Variants in CCSAP observed in about 807,000 individuals in gnomAD.
The protein encoded by CCSAP is centriole, cilia and spindle-associated protein.
A neutral mutation model predicts 25.9 loss-of-function variants in CCSAP; 17 were observed. The ratio of observed to expected loss-of-function variants is 0.66; its 90% CI spans 0.45 to 0.99. The LOEUF (loss-of-function observed/expected upper bound fraction) is 0.99. CCSAP is among the 50% of genes least tolerant of loss of function. The pLI is 0.00. For missense variants in CCSAP, 339 were observed against 367.8 expected (o/e 0.92, Z 0.64); for synonymous variants, 169 against 157.1 (o/e 1.08, Z -0.57).
At position 229,325,343 on chromosome 1, in the gene CCSAP, C is replaced by G. The variant is rs1375491014; in HGVS notation, c.705G>C (p.Arg235Ser). 6.2e-6 allele frequency: 10 copies of G among 1,614,212 alleles called. No homozygotes were observed. The highest frequency in any genetic ancestry group is 8.5e-6 in the Non-Finnish European group (10 of 1,180,036). Reference protein sequence around the residue: ...QVEKRKLVAQRQRAHSVDVEK... With the variant: ...QVEKRKLVAQSQRAHSVDVEK... ...CCACATCCACAGAGTGAGCTCGCTGCCTTTGAGCAACCAGTTTCCTTTTTT... is the reference window on the plus strand; with the variant it reads ...CCACATCCACAGAGTGAGCTCGCTGGCTTTGAGCAACCAGTTTCCTTTTTT... Residue 235 changes from arginine to serine, a missense_variant, in exon 4 of 4, where the codon AGG becomes AGC. Physicochemically the swap from Arg to Ser is moderately radical, Grantham distance 110. Transcript: ENST00000284617.
chr1:229,325,617 G>A (rs1350611125), intron 3 of CCSAP, among the ~76,000 whole-genome samples: 1 of 152,070 alleles, frequency 6.6e-6, no homozygotes, highest in Non-Finnish European at 1.5e-5. Context: ...TTCATATCAG[G>A]GATAATGAAA....
intron 2 of CCSAP, among the ~76,000 whole-genome samples, chr1:229,330,920 G>A (rs1299567920): frequency 6.6e-6 from 1 of 152,048 alleles, no homozygotes. Context: ...ACTTTGCCTT[G>A]GCAGCTCGGT....
intron 2 of CCSAP, among the ~76,000 whole-genome samples, chr1:229,333,431 GAAA>G (rs368401348): frequency 7.1e-5 from 5 of 70,486 alleles, no homozygotes; most frequent in Admixed American, 1.9e-4. Flanking sequence ...AGACTCCATC[GAAA>G]AAAAAAAAAA....
chr1:229,331,787 T>TTTATTATTA (rs139107975), intron 2 of CCSAP, among the ~76,000 whole-genome samples: 13,503 of 140,484 alleles, frequency 0.096, 768 homozygotes, highest in East Asian at 0.23. Context: ...CTAATATCCT[T>TTTATTATTA]TTATTATTAT....
At chr1:229,337,678 A>AAAAAAAAAATATATATATATATATAT in intron 2 of CCSAP, among the ~76,000 whole-genome samples, 1 of 65,548 alleles carries the variant, frequency 1.5e-5, no homozygotes, top group African/African-American at 6.0e-5. Flanking sequence ...CTCAAAAAAA[A>AAAAAAAAAATATATATATATATATAT]ATATATATAT....
chr1:229,338,558 C>G (rs1283129351), intron 2 of CCSAP, among the ~76,000 whole-genome samples: 1 of 151,784 alleles, frequency 6.6e-6, no homozygotes, highest in Non-Finnish European at 1.5e-5. Flanking sequence ...CACACACACA[C>G]ACACACACAC....
chr1:229,341,193 C>CAAAAAAAAAAAAAAAAAAAAAAAAAAAA (rs71561730), intron 2 of CCSAP, among the ~76,000 whole-genome samples: 7 of 91,112 alleles, frequency 7.7e-5, no homozygotes, highest in African/African-American at 2.9e-4. Context: ...GACTCCGTCT[C>CAAAAAAAAAAAAAAAAAAAAAAAAAAAA]AAAAAAAAAA....
chr1:229,339,098 A>G (rs1256350036), intron 2 of CCSAP, among the ~76,000 whole-genome samples: 1 of 146,226 alleles, frequency 6.8e-6, no homozygotes, highest in East Asian at 1.9e-4. Flanking sequence ...GAAATGGGAA[A>G]AAAAAAAAAA....
chr1:229,337,704 TAC>T (rs1558252378), intron 2 of CCSAP, among the ~76,000 whole-genome samples: 2 of 57,404 alleles, frequency 3.5e-5, no homozygotes, highest in African/African-American at 6.6e-5. Context: ...TATATACACA[TAC>T]ATATATATAT....
chr1:229,321,574 T>G lies in CCSAP; in HGVS notation c.*3661A>C, dbSNP rs966570054. The stretch of plus-strand genomic sequence containing the variant: ...TTATATAATAAGGATCTTATATGGG[T>G]TAGGTATTAAGTTTGATACCAAAGC... On this transcript the variant is annotated 3_prime_UTR_variant, in exon 4 of 4. Transcript: ENST00000284617. 4.6e-5 allele frequency: 7 copies of G among 152,194 alleles called. No individual in the cohort carries two copies. The highest frequency in any genetic ancestry group is 7.3e-5 in the Non-Finnish European group (5 of 68,036). 9.4% of individuals were successfully genotyped at this position (152,194 alleles called of 1,614,324 possible).
Position 229,325,256 on chromosome 1 carries a change from C to A in CCSAP, c.792G>T (p.Arg264Ser). 1 of 1,612,318 alleles carries A rather than the reference C, an allele frequency of 6.2e-7. No individual in the cohort carries two copies. The highest frequency in any genetic ancestry group is 1.7e-5 in the Admixed American group (1 of 59,490). Residue 264 changes from arginine (R) to serine (S), a missense_variant, in exon 4 of 4, where the codon AGG becomes AGT. Physicochemically the swap from Arg to Ser is moderately radical, Grantham distance 110. Transcript: ENST00000284617. The part of the protein sequence containing the change: ...SENPWMTEYM[R>S]CYSARA ...TTCTTTAAGCTCTTGCCGAATAGCA[C>A]CTCATGTATTCTGTCATCCACGGGT...
rs1480892423 is a variant in CCSAP, at chr1:229,323,792, T to A, written c.*1443A>T. ...AAGAGTTTATGGGGAATGAAAGCAA[T>A]ATGTTCTAAAAATTGACTATGGTTT... On this transcript the variant is annotated 3_prime_UTR_variant, in exon 4 of 4. Coordinates refer to ENST00000284617, the MANE Select transcript of CCSAP (RefSeq NM_145257.5). 1 of 152,136 alleles carries A rather than the reference T, an allele frequency of 6.6e-6. No homozygotes were observed. Among genetic ancestry groups the A allele is most frequent in the Non-Finnish European group, 1.5e-5 (1 of 68,018 alleles). The allele number at this position is 152,136 out of a possible 1,614,324, so 9.4% of individuals were successfully genotyped here. A position where few individuals can be genotyped will look rare whatever the true frequency, so the allele number is the denominator to read the frequency against.
chr1:229,340,166 T>G (rs561634417), intron 2 of CCSAP, among the ~76,000 whole-genome samples: 2 of 152,324 alleles, frequency 1.3e-5, no homozygotes, highest in African/African-American at 4.8e-5. Flanking sequence ...CTCATTGCAC[T>G]AGTATTTAAA....
At chr1:229,337,497 A>G (rs1658218038) in intron 2 of CCSAP, among the ~76,000 whole-genome samples, 1 of 150,816 alleles carries the variant, frequency 6.6e-6, no homozygotes, top group South Asian at 2.1e-4. Context: ...ATTTTACAGG[A>G]TCTATAGAGG....
chr1:229,342,397 G>T lies in CCSAP; in HGVS notation c.69C>A (p.Tyr23Ter). ...KRYQEPRWEE[Y>*]GPCYRELLHY... ...GCAGCAGCTCGCGGTAGCACGGCCCGTACTCCTCCCAGCGCGGCTCCTGGT... is the reference window on the plus strand; with the variant it reads ...GCAGCAGCTCGCGGTAGCACGGCCCTTACTCCTCCCAGCGCGGCTCCTGGT... Residue 23 changes from tyrosine (Y) to a stop codon, truncating the protein, a stop_gained, in exon 2 of 4, where the codon TAC becomes TAA. Transcript: ENST00000284617. LOFTEE classifies it high-confidence loss of function. This position sits in a 1 kb window ranked among gnomAD's most constrained non-coding sequence, Gnocchi z 7.5. 1.3e-6 allele frequency: 2 copies of T among 1,484,228 alleles called. No individual in the cohort carries two copies. The highest frequency in any genetic ancestry group is 1.8e-6 in the Non-Finnish European group (2 of 1,113,708). 91.9% of individuals were successfully genotyped at this position (1,484,228 alleles called of 1,614,324 possible). A position where few individuals can be genotyped will look rare whatever the true frequency, so the allele number is the denominator to read the frequency against.
intron 2 of CCSAP, among the ~76,000 whole-genome samples, chr1:229,338,843 C>T (rs530996316): frequency 1.0e-3 from 151 of 151,420 alleles, no homozygotes; most frequent in Middle Eastern, 3.4e-3. Flanking sequence ...TAAAAAGGGA[C>T]GGAAAGGAGG....
chr1:229,333,249 G>A (rs1405883379), intron 2 of CCSAP, among the ~76,000 whole-genome samples: 18 of 151,534 alleles, frequency 1.2e-4, no homozygotes, highest in Admixed American at 2.0e-4. Flanking sequence ...TGGGTAACAC[G>A]GTGAAACCCC....
At chr1:229,338,529 C>G (rs1314334076) in intron 2 of CCSAP, among the ~76,000 whole-genome samples, 2 of 141,020 alleles carry the variant, frequency 1.4e-5, no homozygotes, top group East Asian at 2.0e-4. Context: ...ACTTCCACCC[C>G]CAAACCCCAA....
intron 2 of CCSAP, among the ~76,000 whole-genome samples, chr1:229,334,643 T>TG (rs1240026186): frequency 1.3e-5 from 2 of 151,932 alleles, no homozygotes; most frequent in Non-Finnish European, 2.9e-5. Context: ...ATCTTTAATG[T>TG]GGGGAAAAAC....
Sources: allele counts gnomAD v4.1 joint callset (sites outside exome capture counted in the v4.1 genomes callset), GRCh38; gene constraint gnomAD v4.1.1; non-coding constraint Gnocchi (gnomAD v3.1); transcripts MANE v1.5; gene names NCBI Gene and HGNC (gene_info 2026-07-23, HGNC 2026-07-21).